KIRREL3: variants seen among roughly 807,000 people sequenced by gnomAD.
KIRREL3 encodes kirre like nephrin family adhesion molecule 3.
KIRREL3 carries 36 observed loss-of-function variants against 89.7 expected under a neutral mutation model. The observed-to-expected ratio is 0.40, with a 90% CI of 0.31 to 0.53. KIRREL3 has a LOEUF of 0.53. KIRREL3 is among the 20% of genes least tolerant of loss of function. The pLI is 0.49. For missense variants in KIRREL3, 864 were observed against 1,056.6 expected (o/e 0.82, Z 2.53); for synonymous variants, 445 against 441.4 (o/e 1.01, Z -0.10).
rs576203279 is a variant in KIRREL3, at chr11:126,769,205, C to G, written c.56-206293G>C. Among the ~76,000 whole-genome samples the G allele has an allele frequency of 1.3e-5, 2 of 152,266 alleles. No homozygotes were observed. Among genetic ancestry groups the G allele is most frequent in the Non-Finnish European group, 2.9e-5 (2 of 68,020 alleles). The stretch of plus-strand genomic sequence containing the variant: ...TTCCTCCTACGCTTTCAACACATCT[C>G]TAATATGGCACACGGTGTAATACAT... On this transcript the variant is annotated intron_variant, in intron 1 of 16. Transcript: ENST00000525144. This position sits in a 1 kb window ranked among gnomAD's most constrained non-coding sequence, Gnocchi z 4.3.
chr11:126,796,400 G>A lies in KIRREL3; in HGVS notation c.55+204055C>T, dbSNP rs1428012516. Among the ~76,000 whole-genome samples, 3 of 152,128 alleles carry A rather than the reference G, an allele frequency of 2.0e-5. No individual in the cohort carries two copies. The highest frequency in any genetic ancestry group is 6.5e-5 in the Admixed American group (1 of 15,276). ...GATCTCATTCTGCCCGTCCTGTCCCGCAGCATTGGGTGTGGAGGAAGGCTG... is the reference window on the plus strand; with the variant it reads ...GATCTCATTCTGCCCGTCCTGTCCCACAGCATTGGGTGTGGAGGAAGGCTG... On this transcript the variant is annotated intron_variant, in intron 1 of 16. Coordinates refer to ENST00000525144, the MANE Select transcript of KIRREL3 (RefSeq NM_032531.4). The surrounding 1 kb of genome is among the most constrained non-coding windows in gnomAD (Gnocchi z 5.1).
In KIRREL3 at chr11:126,999,364, C is replaced by T. The variant is rs11821742; in HGVS notation, c.55+1091G>A. ...TTTTTGCTTATATTTGGCTTCTCCC[C>T]GACAGGGGAGAAACAGAAGACATGC... On this transcript the variant is annotated intron_variant, in intron 1 of 16. Transcript: ENST00000525144. The surrounding 1 kb of genome is among the most constrained non-coding windows in gnomAD (Gnocchi z 5.7). Among the ~76,000 whole-genome samples, 4,217 of 152,256 alleles carry T rather than the reference C, an allele frequency of 0.028. 174 individuals carry two copies. The highest frequency in any genetic ancestry group is 0.094 in the African/African-American group (3,920 of 41,550).
In KIRREL3 at chr11:126,656,167, T is replaced by C; in HGVS notation, c.56-93255A>G. ...CACAGATGTTCCCAGGAGCAATGTT[T>C]GCAGGTGAGTGAGGTCAGGGAGGGC... On this transcript the variant is annotated intron_variant, in intron 1 of 16. Transcript: ENST00000525144. The surrounding 1 kb of genome is among the most constrained non-coding windows in gnomAD (Gnocchi z 4.0). 1 of 456,224 alleles carries C rather than the reference T, an allele frequency of 2.2e-6. No homozygotes were observed. Among genetic ancestry groups the C allele is most frequent in the Non-Finnish European group, 4.4e-6 (1 of 226,946 alleles). 28.3% of individuals were successfully genotyped at this position (456,224 alleles called of 1,614,324 possible). A position where few individuals can be genotyped will look rare whatever the true frequency, so the allele number is the denominator to read the frequency against.
intron 1 of KIRREL3, among the ~76,000 whole-genome samples, chr11:126,598,151 G>A (rs747163155): frequency 1.7e-4 from 26 of 152,212 alleles, no homozygotes; most frequent in Non-Finnish European, 2.1e-4. Context: ...GTGGTGAAGC[G>A]TTCAGTGACT....
rs1476500899 is a variant in KIRREL3, at chr11:126,655,499, G to T, written c.56-92587C>A. ...TGGAAGGTTAAAAATCACTTCACTT[G>T]TCAACTCGAAAGCTCTCCCTCCCAC... On this transcript the variant is annotated intron_variant, in intron 1 of 16. Transcript: ENST00000525144. The surrounding 1 kb of genome is among the most constrained non-coding windows in gnomAD (Gnocchi z 5.0). 1.3e-5 allele frequency among the ~76,000 whole-genome samples: 2 copies of T among 152,118 alleles called. No homozygotes were observed. Among genetic ancestry groups the T allele is most frequent in the Admixed American group, 6.6e-5 (1 of 15,262 alleles).
rs773107999 is a variant in KIRREL3 at position 126,807,154 on chromosome 11, G to A, written c.55+193301C>T. On this transcript the variant is annotated intron_variant, in intron 1 of 16. Coordinates refer to ENST00000525144, the MANE Select transcript of KIRREL3 (RefSeq NM_032531.4). This position sits in a 1 kb window ranked among gnomAD's most constrained non-coding sequence, Gnocchi z 4.3. ...TCCCAAGCAGGTTTGGGAGTAGGAC[G>A]TGGTCTGGGAAGGGAGGTAGGCTGA... 6.6e-6 allele frequency among the ~76,000 whole-genome samples: 1 copy of A among 152,172 alleles called. No individual in the cohort carries two copies. The highest frequency in any genetic ancestry group is 1.9e-4 in the East Asian group (1 of 5,190).
intron 6 of KIRREL3, among the ~76,000 whole-genome samples, chr11:126,457,197 G>GTGTGTGTGTGTGTATGTGTA (rs1305728729): frequency 1.5e-4 from 23 of 151,368 alleles, no homozygotes; most frequent in Non-Finnish European, 2.9e-4. Context: ...GTGTGTGTGT[G>GTGTGTGTGTGTGTATGTGTA]TGTGTGTGTG....
At chr11:126,451,358 GAGTGTGACTATGTGTGA>G (rs1956138568) in intron 7 of KIRREL3, among the ~76,000 whole-genome samples, 1 of 85,804 alleles carries the variant, frequency 1.2e-5, no homozygotes, top group African/African-American at 5.5e-5. Flanking sequence ...GTGCGTATGT[GAGTGTGACTATGTGTGA>G]GCGTGTGCAT....
At position 126,486,612 on chromosome 11, in the gene KIRREL3, C is replaced by T. The variant is rs539070312; in HGVS notation, c.434-13146G>A. 1.4e-4 allele frequency among the ~76,000 whole-genome samples: 21 copies of T among 152,270 alleles called. No individual in the cohort carries two copies. The highest frequency in any genetic ancestry group is 4.3e-4 in the African/African-American group (18 of 41,544). On this transcript the variant is annotated intron_variant, in intron 4 of 16. Coordinates refer to ENST00000525144, the MANE Select transcript of KIRREL3 (RefSeq NM_032531.4). The surrounding 1 kb of genome is among the most constrained non-coding windows in gnomAD (Gnocchi z 6.2). Reference sequence around the variant, plus strand: ...GGGAAAAGCCCATCATGGTGGCTGCCGTGGACTTGTATAATCCATGCTTCA... The same window carrying T: ...GGGAAAAGCCCATCATGGTGGCTGCTGTGGACTTGTATAATCCATGCTTCA...
intron 1 of KIRREL3, among the ~76,000 whole-genome samples, chr11:126,871,477 C>T (rs549475204): frequency 2.6e-5 from 4 of 152,250 alleles, no homozygotes; most frequent in African/African-American, 9.6e-5. Flanking sequence ...GTTTGAAAAA[C>T]CACAAGAAAG....
intron 1 of KIRREL3, among the ~76,000 whole-genome samples, chr11:126,885,567 C>T (rs571972355): frequency 3.9e-5 from 6 of 152,042 alleles, no homozygotes; most frequent in Admixed American, 3.3e-4. Flanking sequence ...TCAACCTCAT[C>T]ATCGTTATCA....
Position 126,623,483 on chromosome 11 carries a change from G to A in KIRREL3, c.56-60571C>T, listed in dbSNP as rs535256751. ...ATGTTGGTATTCTGTGATGTACGCG[G>A]CTCTGTGTGCTGGTGAGATTTTGTA... On this transcript the variant is annotated intron_variant, in intron 1 of 16. Coordinates refer to ENST00000525144, the MANE Select transcript of KIRREL3 (RefSeq NM_032531.4). This position sits in a 1 kb window ranked among gnomAD's most constrained non-coding sequence, Gnocchi z 4.1. Among the ~76,000 whole-genome samples the A allele has an allele frequency of 1.3e-5, 2 of 152,266 alleles. No homozygotes were observed. The highest frequency in any genetic ancestry group is 6.5e-5 in the Admixed American group (1 of 15,288).
intron 2 of KIRREL3, among the ~76,000 whole-genome samples, chr11:126,543,210 C>T (rs981315789): frequency 1.3e-5 from 2 of 152,186 alleles, no homozygotes; most frequent in African/African-American, 4.8e-5. Context: ...CATTACTGCC[C>T]TAGTCTCTCT....
chr11:126,863,322 T>C (rs1205054934), intron 1 of KIRREL3, among the ~76,000 whole-genome samples: 2 of 151,576 alleles, frequency 1.3e-5, no homozygotes, highest in Non-Finnish European at 2.9e-5. Flanking sequence ...TCCAGAAGTA[T>C]GAATATGTGG....
At chr11:126,952,990 C>A (rs1038003744) in intron 1 of KIRREL3, among the ~76,000 whole-genome samples, 1 of 152,160 alleles carries the variant, frequency 6.6e-6, no homozygotes, top group Non-Finnish European at 1.5e-5. Context: ...TGGGTATATA[C>A]CCAAAGGATT....
chr11:126,850,508 A>C (rs1944305759), intron 1 of KIRREL3, among the ~76,000 whole-genome samples: 1 of 151,580 alleles, frequency 6.6e-6, no homozygotes, highest in Non-Finnish European at 1.5e-5. Flanking sequence ...GGTTCTCCCA[A>C]CTCCTCCTCT....
At chr11:126,887,383 C>G (rs1373191303) in intron 1 of KIRREL3, among the ~76,000 whole-genome samples, 4 of 152,136 alleles carry the variant, frequency 2.6e-5, no homozygotes, top group African/African-American at 9.7e-5. Flanking sequence ...AAGCAAGAAG[C>G]ATTACTGATT....
intron 1 of KIRREL3, among the ~76,000 whole-genome samples, chr11:126,693,157 G>A (rs936023404): frequency 1.4e-4 from 21 of 152,304 alleles, no homozygotes; most frequent in East Asian, 3.9e-4. Context: ...TGTGGCTCAC[G>A]CCTGTAATCC....
intron 1 of KIRREL3, among the ~76,000 whole-genome samples, chr11:126,857,146 A>C (rs1298344437): frequency 1.3e-5 from 2 of 152,178 alleles, no homozygotes; most frequent in Admixed American, 1.3e-4. Flanking sequence ...ACTGAAGGAC[A>C]TGAAGCCCAG....
Sources: gnomAD v4.1 joint callset for allele counts (sites outside exome capture counted in the v4.1 genomes callset) on GRCh38, gnomAD v4.1.1 for gene constraint, Gnocchi (gnomAD v3.1) non-coding constraint, MANE v1.5 for transcripts, NCBI Gene and HGNC (gene_info 2026-07-23, HGNC 2026-07-21) for gene names.